Variants in SHCBP1 observed in about 807,000 individuals in gnomAD.
SHCBP1 encodes SHC SH2 domain-binding protein 1.
In SHCBP1, 60 loss-of-function variants were observed where a neutral mutation model predicts 75.1. The ratio of observed to expected loss-of-function variants is 0.80; its 90% CI spans 0.65 to 0.99. The LOEUF is 0.99. Among genes scored for constraint, SHCBP1 ranks in the 50% least tolerant of loss-of-function variants. The probability of loss-of-function intolerance (pLI) is 0.00; values close to 1 mark genes in which losing one functional copy is unlikely to be tolerated. For missense variants in SHCBP1, 709 were observed against 809.4 expected (o/e 0.88, Z 1.50); for synonymous variants, 290 against 293.2 (o/e 0.99, Z 0.11).
chr16:46,603,597 A>T lies in SHCBP1; in HGVS notation c.1155T>A (p.Cys385Ter), dbSNP rs1055421432. 6.2e-7 allele frequency: 1 copy of T among 1,614,228 alleles called. No homozygotes were observed. The highest frequency in any genetic ancestry group is 8.5e-7 in the Non-Finnish European group (1 of 1,180,038). Residue 385 changes from cysteine (C) to a stop codon, truncating the protein, a stop_gained, in exon 8 of 13, where the codon TGT becomes TGA. Transcript: ENST00000303383. LOFTEE classifies it high-confidence loss of function. ...ACFEGDTVIVCPGHYVVHGTF... is the reference protein window; with the variant it reads ...ACFEGDTVIV ...TGCCATGTACCACATAATGGCCAGG[A>T]CAAACAATAACAGTGTCACCTTCGA...
chr16:46,597,205 G>A (rs1427712101), intron 9 of SHCBP1, among the ~76,000 whole-genome samples: 1 of 152,086 alleles, frequency 6.6e-6, no homozygotes, highest in African/African-American at 2.4e-5. Context: ...AAGGCCAGGA[G>A]TCTGAGACCA....
intron 10 of SHCBP1, among the ~76,000 whole-genome samples, chr16:46,587,861 A>C (rs1336648427): frequency 6.6e-6 from 1 of 152,204 alleles, no homozygotes; most frequent in Non-Finnish European, 1.5e-5. Context: ...CAAAATATAC[A>C]TTCTTCACAG....
chr16:46,612,360 C>G (rs956269590), intron 4 of SHCBP1, among the ~76,000 whole-genome samples: 3 of 152,178 alleles, frequency 2.0e-5, no homozygotes, highest in Non-Finnish European at 2.9e-5. Context: ...ATATATAACT[C>G]TTTCAAGAAG....
At chr16:46,603,175 AT>A (rs1199907004) in intron 8 of SHCBP1, among the ~76,000 whole-genome samples, 6 of 152,206 alleles carry the variant, frequency 3.9e-5, no homozygotes, top group Admixed American at 2.0e-4. Context: ...CAAGCAACAA[AT>A]TTTTAAAATA....
Position 46,604,456 on chromosome 16 carries a change from T to TAA in SHCBP1, c.693_694dup (p.Tyr232PhefsTer32). On this transcript the variant is annotated frameshift_variant, in exon 6 of 13. Transcript: ENST00000303383. LOFTEE classifies it high-confidence loss of function. Reference sequence around the variant, plus strand: ...TGGAACTCGGTCTTCAAGAATGTCATAATGCCTGAAAGTTTAAAAGCAAAG... The same window carrying TAA: ...TGGAACTCGGTCTTCAAGAATGTCATAAAATGCCTGAAAGTTTAAAAGCAAAG... 3 of 1,606,306 alleles carry TAA rather than the reference T, an allele frequency of 1.9e-6. No homozygotes were observed. The highest frequency in any genetic ancestry group is 2.6e-6 in the Non-Finnish European group (3 of 1,173,386).
intron 1 of SHCBP1, 29 bp downstream of exon 1, chr16:46,621,228 G>A: frequency 6.3e-7 from 1 of 1,583,674 alleles, no homozygotes; most frequent in South Asian, 1.1e-5. Flanking sequence ...CTCAGAGGCG[G>A]CTCCTCGGCC....
rs551283833 is a variant in SHCBP1 at position 46,596,845 on chromosome 16, A to C, written c.1346-1175T>G. Among the ~76,000 whole-genome samples, 6 of 151,362 alleles carry C rather than the reference A, an allele frequency of 4.0e-5. No individual in the cohort carries two copies. The South Asian group carries it at 1.0e-3, about 26-fold the overall frequency. ...CAGGTTCAAGGAATTCTCCTGCTTC[A>C]GCCTCCAGAGTAGATGGCATCATAG... is the stretch of plus-strand genomic sequence containing the variant. On this transcript the variant is annotated intron_variant, in intron 9 of 12. Coordinates refer to ENST00000303383, the MANE Select transcript of SHCBP1 (RefSeq NM_024745.5).
Position 46,581,476 on chromosome 16 carries a change from G to C in SHCBP1, c.*253C>G. 2.3e-6 allele frequency: 1 copy of C among 437,836 alleles called. No individual in the cohort carries two copies. The highest frequency in any genetic ancestry group is 3.1e-5 in the South Asian group (1 of 32,014). 27.1% of individuals were successfully genotyped at this position (437,836 alleles called of 1,614,324 possible). Reference sequence around the variant, plus strand: ...ACCAGGCTTAATATGAGAGAACCATGTGTATAAGAAAGCAAGACTTTCAGA... The same window carrying C: ...ACCAGGCTTAATATGAGAGAACCATCTGTATAAGAAAGCAAGACTTTCAGA... On this transcript the variant is annotated 3_prime_UTR_variant, in exon 13 of 13. Coordinates refer to ENST00000303383, the MANE Select transcript of SHCBP1 (RefSeq NM_024745.5).
chr16:46,579,844 C>T lies in SHCBP1; in HGVS notation c.*1885G>A, dbSNP rs1964843740. Among the ~76,000 whole-genome samples the T allele has an allele frequency of 6.6e-6, 1 of 152,134 alleles. No homozygotes were observed. Among genetic ancestry groups the T allele is most frequent in the African/African-American group, 2.4e-5 (1 of 41,418 alleles). On this transcript the variant is annotated 3_prime_UTR_variant, in exon 13 of 13. Coordinates refer to ENST00000303383, the MANE Select transcript of SHCBP1 (RefSeq NM_024745.5). The stretch of plus-strand genomic sequence containing the variant: ...TTGGGAGGCTGAGGCATGAGAATCA[C>T]TTGAACCCAGGAGACTGAGGTTGCA...
chr16:46,591,573 T>A lies in SHCBP1; in HGVS notation c.1464+3979A>T, dbSNP rs192838106. 1.0e-3 allele frequency among the ~76,000 whole-genome samples: 151 copies of A among 151,230 alleles called. 2 individuals are homozygous for A. In the Middle Eastern group the frequency reaches 0.021, roughly 21 times the overall value. ...ACAAATTCAGTTATAGTTAGAGACTTCAACACCCCTCTCTCAACAATTGGC... is the reference window on the plus strand; with the variant it reads ...ACAAATTCAGTTATAGTTAGAGACTACAACACCCCTCTCTCAACAATTGGC... On this transcript the variant is annotated intron_variant, in intron 10 of 12. Coordinates refer to ENST00000303383, the MANE Select transcript of SHCBP1 (RefSeq NM_024745.5).
chr16:46,617,108 T>C lies in SHCBP1; in HGVS notation c.387+526A>G, dbSNP rs373896839. Among the ~76,000 whole-genome samples the C allele has an allele frequency of 5.9e-5, 9 of 152,282 alleles. No homozygotes were observed. The East Asian group carries it at 1.5e-3, about 26-fold the overall frequency. ...CTAAAAGGCCTAGTGAGAAGAAGAATAAGACTGTTTTTACATTCTGCAATG... is the reference window on the plus strand; with the variant it reads ...CTAAAAGGCCTAGTGAGAAGAAGAACAAGACTGTTTTTACATTCTGCAATG... On this transcript the variant is annotated intron_variant, in intron 3 of 12. Transcript: ENST00000303383.
At position 46,618,253 on chromosome 16, in the gene SHCBP1, G is replaced by T. The variant is rs761792845; in HGVS notation, c.223C>A (p.Gln75Lys). Reference sequence around the variant, plus strand: ...CTGAATCGCTCATAGAACAAAAGTTGATTTGTTTGGAAAATTTCTGGGAAA... The same window carrying T: ...CTGAATCGCTCATAGAACAAAAGTTTATTTGTTTGGAAAATTTCTGGGAAA... ...TFFPEIFQTN[Q>K]LLFYERFRAY... is the part of the protein sequence containing the mutation. The change falls in exon 2 of 13, where the codon CAA (glutamine) becomes AAA (lysine). Residue 75 changes from glutamine (Q) to lysine (K), a missense_variant. By Grantham distance (53) the Gln-to-Lys change is moderately conservative (BLOSUM62 1). Coordinates refer to ENST00000303383, the MANE Select transcript of SHCBP1 (RefSeq NM_024745.5). 2 of 1,612,796 alleles carry T rather than the reference G, an allele frequency of 1.2e-6. No homozygotes were observed. Among genetic ancestry groups the T allele is most frequent in the East Asian group, 2.2e-5 (1 of 44,866 alleles).
At position 46,597,863 on chromosome 16, in the gene SHCBP1, C is replaced by T. The variant is rs548416855; in HGVS notation, c.1345+1968G>A. ...TCTGCTTTACCAAGTTTACCTAATA[C>T]TCTAAATCATTTGTTGTCATTCAAC... On this transcript the variant is annotated intron_variant, in intron 9 of 12. Transcript: ENST00000303383. Among the ~76,000 whole-genome samples the T allele has an allele frequency of 3.9e-5, 6 of 152,318 alleles. No individual in the cohort carries two copies. The East Asian group carries it at 9.6e-4, about 24-fold the overall frequency.
intron 5 of SHCBP1, among the ~76,000 whole-genome samples, chr16:46,607,575 G>GA (rs921232899): frequency 1.3e-5 from 2 of 151,870 alleles, no homozygotes; most frequent in Admixed American, 6.6e-5. Flanking sequence ...CAAACGGGGG[G>GA]AAAAAAATCA....
chr16:46,599,765 C>A, intron 9 of SHCBP1, 66 bp downstream of exon 9: 1 of 1,326,798 alleles, frequency 7.5e-7, no homozygotes, highest in Non-Finnish European at 9.9e-7. Flanking sequence ...ATTCTATCTT[C>A]CATAGAGAGA....
chr16:46,597,035 T>C (rs895790567), intron 9 of SHCBP1, among the ~76,000 whole-genome samples: 1 of 151,932 alleles, frequency 6.6e-6, no homozygotes, highest in African/African-American at 2.4e-5. Flanking sequence ...GCTTCATAAA[T>C]AATCAGTCTT....
At chr16:46,613,427 C>G (rs1259467668) in intron 4 of SHCBP1, among the ~76,000 whole-genome samples, 2 of 152,198 alleles carry the variant, frequency 1.3e-5, no homozygotes, top group Admixed American at 1.3e-4. Flanking sequence ...AAATGACTAA[C>G]CAGCTAACAA....
intron 10 of SHCBP1, 61 bp from the exon 11 acceptor site, chr16:46,584,150 T>C: frequency 8.4e-7 from 1 of 1,192,212 alleles, no homozygotes; most frequent in Non-Finnish European, 1.2e-6. Context: ...TATAAGAGTT[T>C]ATTACAATTA....
chr16:46,599,352 GC>G (rs925535248), intron 9 of SHCBP1, among the ~76,000 whole-genome samples: 2 of 152,006 alleles, frequency 1.3e-5, no homozygotes, highest in Admixed American at 1.3e-4. Context: ...TTATTAACTG[GC>G]CTAATTTCAA....
Sources: gnomAD v4.1 joint callset for allele counts (sites outside exome capture counted in the v4.1 genomes callset) on GRCh38, gnomAD v4.1.1 for gene constraint, MANE v1.5 for transcripts, NCBI Gene and HGNC (gene_info 2026-07-23, HGNC 2026-07-21) for gene names.